The following LAMA2 variants were observed in gnomAD, a reference collection of about 807,000 sequenced individuals.
LAMA2 encodes laminin subunit alpha 2.
A neutral mutation model predicts 364.8 loss-of-function variants in LAMA2; 269 were observed. That is an observed-to-expected ratio of 0.74 (90% CI 0.67 to 0.82). The LOEUF is 0.82. LAMA2 is among the 40% of genes least tolerant of loss of function. LAMA2 has a pLI of 0.00. For missense variants in LAMA2, 3,807 were observed against 3,873.2 expected (o/e 0.98, Z 0.45); for synonymous variants, 1,379 against 1,370.6 (o/e 1.01, Z -0.14).
chr6:128,937,583 G>A (rs1779904322), intron 1 of LAMA2, among the ~76,000 whole-genome samples: 1 of 151,632 alleles, frequency 6.6e-6, no homozygotes, highest in African/African-American at 2.4e-5. Flanking sequence ...TGTATTTATT[G>A]GTGTATAATT....
At chr6:129,054,962 T>A (rs1788365805) in intron 2 of LAMA2, among the ~76,000 whole-genome samples, 1 of 150,248 alleles carries the variant, frequency 6.7e-6, no homozygotes, top group Admixed American at 6.6e-5. Context: ...TCTTTCACCC[T>A]CTTGAAAGTT....
chr6:129,023,789 C>A (rs971979437), intron 1 of LAMA2, among the ~76,000 whole-genome samples: 2 of 152,152 alleles, frequency 1.3e-5, no homozygotes, highest in African/African-American at 4.8e-5. Context: ...GATGTCTTTT[C>A]CTTTATACAG....
chr6:128,996,052 T>G (rs575460890), intron 1 of LAMA2, among the ~76,000 whole-genome samples: 9 of 152,224 alleles, frequency 5.9e-5, no homozygotes, highest in Non-Finnish European at 1.2e-4. Context: ...ATAAATCTAA[T>G]GCAGGAGGCA....
Position 129,275,484 on chromosome 6 carries a change from CA to C in LAMA2, c.2451-4568del, listed in dbSNP as rs895486529. Among the ~76,000 whole-genome samples the C allele has an allele frequency of 1.5e-4, 22 of 147,994 alleles. No homozygotes were observed. The South Asian group carries it at 3.2e-3, about 21-fold the overall frequency. On this transcript the variant is annotated intron_variant, in intron 17 of 64. Coordinates refer to ENST00000421865, the MANE Select transcript of LAMA2 (RefSeq NM_000426.4). ...CAATTACAGAAACATTGAAAAGAAG[CA>C]AAAAAAAATCAATAGAATTTAATGT...
At chr6:129,180,363 A>C (rs1258652805) in intron 10 of LAMA2, among the ~76,000 whole-genome samples, 1 of 152,194 alleles carries the variant, frequency 6.6e-6, no homozygotes, top group African/African-American at 2.4e-5. Flanking sequence ...TATAAATCAC[A>C]TATGAAATAA....
rs916891774 is a variant in LAMA2, at chr6:129,446,064, G to A, written c.6429+243G>A. Among the ~76,000 whole-genome samples the A allele has an allele frequency of 6.6e-5, 10 of 151,878 alleles. 1 individual carries two copies. The East Asian group carries it at 1.4e-3, about 21-fold the overall frequency. ...TATTGTTTTAAAACTGGGAATTCTG[G>A]TATATTCTATTACTATTTGCATAGA... On this transcript the variant is annotated intron_variant, in intron 45 of 64. Coordinates refer to ENST00000421865, the MANE Select transcript of LAMA2 (RefSeq NM_000426.4).
At chr6:129,418,436 A>G (rs1207017349) in intron 40 of LAMA2, among the ~76,000 whole-genome samples, 2 of 152,034 alleles carry the variant, frequency 1.3e-5, no homozygotes, top group African/African-American at 4.8e-5. Context: ...AATGGCTATG[A>G]TAGTCCAGAT....
chr6:129,283,386 A>C (rs1019982963), intron 18 of LAMA2, among the ~76,000 whole-genome samples: 2 of 152,088 alleles, frequency 1.3e-5, no homozygotes, highest in Admixed American at 1.3e-4. Flanking sequence ...TAAGTTTGTA[A>C]CCTCAGCAAC....
chr6:129,157,690 G>A (rs1303542437), intron 8 of LAMA2: 4 of 1,611,986 alleles, frequency 2.5e-6, no homozygotes, highest in Non-Finnish European at 3.4e-6. Flanking sequence ...GGCCGCAAAC[G>A]TTTGACACAC....
intron 4 of LAMA2, among the ~76,000 whole-genome samples, chr6:129,117,425 G>A (rs996807145): frequency 2.6e-5 from 4 of 152,172 alleles, no homozygotes; most frequent in Admixed American, 6.5e-5. Flanking sequence ...TCATGAAGGA[G>A]TACAGGGGAT....
intron 1 of LAMA2, among the ~76,000 whole-genome samples, chr6:129,010,014 A>G (rs575107489): frequency 6.6e-6 from 1 of 152,266 alleles, no homozygotes; most frequent in Non-Finnish European, 1.5e-5. Context: ...CAGTGTTTCA[A>G]TGTTATTCTG....
intron 9 of LAMA2, among the ~76,000 whole-genome samples, chr6:129,168,389 C>A (rs1169161416): frequency 6.6e-6 from 1 of 152,166 alleles, no homozygotes; most frequent in Non-Finnish European, 1.5e-5. Flanking sequence ...ATATGGCTAG[C>A]CAGTTCTCCC....
chr6:129,302,882 G>T (rs1301576353), intron 22 of LAMA2, among the ~76,000 whole-genome samples: 1 of 151,994 alleles, frequency 6.6e-6, no homozygotes, highest in East Asian at 1.9e-4. Context: ...CATAAAATCA[G>T]GTATTGTAAA....
chr6:129,454,101 C>T, intron 46 of LAMA2, 54 bp from the exon 47 acceptor site: 1 of 1,538,512 alleles, frequency 6.5e-7, no homozygotes, highest in Non-Finnish European at 9.0e-7. Flanking sequence ...CTGGTCTCCT[C>T]TTTAAAGGTG....
rs557338421 is a variant in LAMA2 at position 129,497,398 on chromosome 6, C to T, written c.8244+4915C>T. Among the ~76,000 whole-genome samples the T allele has an allele frequency of 6.4e-4, 97 of 152,062 alleles. 1 individual carries two copies. The highest frequency in any genetic ancestry group is 2.1e-4 in the Non-Finnish European group (14 of 67,974). ...GACTGCAGGTGCATTCCACCATGCC[C>T]GGCTAATTTTTGTATTTTTAATAGA... On this transcript the variant is annotated intron_variant, in intron 58 of 64. Coordinates refer to ENST00000421865, the MANE Select transcript of LAMA2 (RefSeq NM_000426.4).
At position 128,933,016 on chromosome 6, in the gene LAMA2, A is replaced by G. The variant is rs183309016; in HGVS notation, c.112+49659A>G. 2.6e-5 allele frequency among the ~76,000 whole-genome samples: 4 copies of G among 152,224 alleles called. No individual in the cohort carries two copies. The East Asian group carries it at 7.7e-4, about 29-fold the overall frequency. On this transcript the variant is annotated intron_variant, in intron 1 of 64. Transcript: ENST00000421865. ...TCATTTACCCCAATTCCTGGCAACC[A>G]CCATTCATTCCACCATTCTACTCTC...
intron 1 of LAMA2, among the ~76,000 whole-genome samples, chr6:128,982,348 A>G (rs1289894623): frequency 2.0e-5 from 3 of 152,148 alleles, no homozygotes; most frequent in African/African-American, 7.2e-5. Flanking sequence ...AACAGATCTT[A>G]TATTTATGTG....
intron 3 of LAMA2, among the ~76,000 whole-genome samples, chr6:129,081,284 C>G (rs1035851551): frequency 6.6e-6 from 1 of 151,924 alleles, no homozygotes. Flanking sequence ...AGGAGATACA[C>G]CTAATGTAAA....
intron 38 of LAMA2, among the ~76,000 whole-genome samples, chr6:129,401,775 A>T (rs1260105315): frequency 6.6e-6 from 1 of 152,230 alleles, no homozygotes; most frequent in African/African-American, 2.4e-5. Context: ...ATGTATACCT[A>T]TGAAGTGGCA....
Sources: gnomAD v4.1 joint callset for allele counts (sites outside exome capture counted in the v4.1 genomes callset) on GRCh38, gnomAD v4.1.1 for gene constraint, MANE v1.5 for transcripts, NCBI Gene and HGNC (gene_info 2026-07-23, HGNC 2026-07-21) for gene names.